Variants in TOR1B observed in about 807,000 individuals in gnomAD.
The protein encoded by TOR1B is torsin family 1 member B, also known as torsin-1B.
A neutral mutation model predicts 29.2 loss-of-function variants in TOR1B; 14 were observed. That is an observed-to-expected ratio of 0.48 (90% CI 0.32 to 0.75). The LOEUF is 0.75. Ranked by LOEUF, TOR1B falls within the 30% of genes least tolerant of loss-of-function variation. The pLI, the probability that TOR1B is intolerant of heterozygous loss-of-function variation, is 0.04. For missense variants in TOR1B, 400 were observed against 433.9 expected (o/e 0.92, Z 0.69); for synonymous variants, 166 against 179.8 (o/e 0.92, Z 0.62).
intron 2 of TOR1B, among the ~76,000 whole-genome samples, chr9:129,805,510 T>G (rs1564177093): frequency 6.6e-6 from 1 of 152,140 alleles, no homozygotes; most frequent in Non-Finnish European, 1.5e-5. Flanking sequence ...ACAGGACCTT[T>G]GTAGCAGAAC....
rs770651159 is a variant in TOR1B, at chr9:129,804,200, C to G, written c.327C>G (p.Gly109=). The G allele has an allele frequency of 6.2e-7, 1 of 1,614,094 alleles. No homozygotes were observed. The highest frequency in any genetic ancestry group is 1.3e-5 in the African/African-American group (1 of 74,926). ...PKKPLTLSLH[G]WAGTGKNFVS... ...AACCACTGACCCTTTCCTTACACGG[C>G]TGGGCTGGCACAGGCAAGAATTTTG... The change falls in exon 2 of 5, where the codon GGC becomes GGG. Residue 109 remains glycine (G), a synonymous_variant. Transcript: ENST00000259339.
chr9:129,807,821 G>A (rs187060876), intron 3 of TOR1B, among the ~76,000 whole-genome samples: 1 of 151,060 alleles, frequency 6.6e-6, no homozygotes, highest in African/African-American at 2.4e-5. Flanking sequence ...ACTCCAGCCT[G>A]GGTGACAGAG....
chr9:129,809,737 C>G lies in TOR1B; in HGVS notation c.*154C>G. The G allele has an allele frequency of 7.0e-7, 1 of 1,438,022 alleles. No homozygotes were observed. Among genetic ancestry groups the G allele is most frequent in the Non-Finnish European group, 9.1e-7 (1 of 1,102,052 alleles). 89.1% of individuals were successfully genotyped at this position (1,438,022 alleles called of 1,614,324 possible). ...CTTTTTTTTGAGAAGAGGTCTCACT[C>G]CGTCATCCAAGCTGGAGTGCAGTGG... On this transcript the variant is annotated 3_prime_UTR_variant, in exon 5 of 5. Transcript: ENST00000259339.
chr9:129,803,341 C>T lies in TOR1B; in HGVS notation c.129C>T (p.Tyr43=), dbSNP rs1288121521. Residue 43 remains tyrosine (Y), a synonymous_variant, in exon 1 of 5, where the codon TAC becomes TAT. Coordinates refer to ENST00000259339, the MANE Select transcript of TOR1B (RefSeq NM_014506.3). ...GGGCCGCGTCGGCCATCACCGGCTA[C>T]CTGTCCTACAATGACATCTACTGCC... The part of the protein sequence containing the change: ...AIGAASAITG[Y]LSYNDIYCRF... 1.9e-6 allele frequency: 3 copies of T among 1,591,514 alleles called. No homozygotes were observed. The highest frequency in any genetic ancestry group is 2.8e-5 in the African/African-American group (2 of 72,094).
chr9:129,804,906 A>AG (rs1001883569), intron 2 of TOR1B, among the ~76,000 whole-genome samples: 2 of 144,614 alleles, frequency 1.4e-5, no homozygotes, highest in East Asian at 2.1e-4. Context: ...TCGGAGGCCG[A>AG]GGGGGGCGGA....
intron 4 of TOR1B, 101 bp from the exon 5 acceptor site, chr9:129,809,241 C>G: frequency 6.4e-7 from 1 of 1,571,432 alleles, no homozygotes; most frequent in South Asian, 1.2e-5. Flanking sequence ...ACAAGAGACT[C>G]TCTCAAGGGG....
chr9:129,808,031 G>A (rs1460640344), intron 3 of TOR1B, among the ~76,000 whole-genome samples: 2 of 151,412 alleles, frequency 1.3e-5, no homozygotes, highest in East Asian at 3.9e-4. Context: ...TCAAGACCCC[G>A]ACCCTAAAAA....
chr9:129,810,480 G>T lies in TOR1B; in HGVS notation c.*897G>T. On this transcript the variant is annotated 3_prime_UTR_variant, in exon 5 of 5. Coordinates refer to ENST00000259339, the MANE Select transcript of TOR1B (RefSeq NM_014506.3). ...TCCTTCACCGTCTCAGCTGGTATCA[G>T]CCCCAGCCTGCCTTGTGCCATATCT... The T allele has an allele frequency of 8.8e-7, 1 of 1,130,704 alleles. No homozygotes were observed. The highest frequency in any genetic ancestry group is 1.1e-6 in the Non-Finnish European group (1 of 898,094). The allele number at this position is 1,130,704 out of a possible 1,614,324, so 70.0% of individuals were successfully genotyped here.
intron 2 of TOR1B, among the ~76,000 whole-genome samples, chr9:129,806,120 CAAAA>C (rs34263616): frequency 2.4e-5 from 3 of 122,604 alleles, no homozygotes; most frequent in Admixed American, 8.8e-5. Context: ...GACTCTATCT[CAAAA>C]AAAAAAAAAA....
chr9:129,804,354 A>G lies in TOR1B; in HGVS notation c.465+16A>G, dbSNP rs769213330. ...ACTGTACCAGGCAAGAGAACCCGCT[A>G]TTATCTCGTCTGCAGGCCAGTCGGA... On this transcript the variant is annotated intron_variant, in intron 2 of 4. Transcript: ENST00000259339. 3 of 1,606,284 alleles carry G rather than the reference A, an allele frequency of 1.9e-6. No individual in the cohort carries two copies. The highest frequency in any genetic ancestry group is 2.2e-5 in the South Asian group (2 of 91,002).
At position 129,807,246 on chromosome 9, in the gene TOR1B, T is replaced by C; in HGVS notation, c.524T>C (p.Ile175Thr). ...AGTGCATGTGCGAACTCTGTTTTCATATTTGACGAGATGGATAAATTGCAC... is the reference window on the plus strand; with the variant it reads ...AGTGCATGTGCGAACTCTGTTTTCACATTTGACGAGATGGATAAATTGCAC... Reference protein sequence around the residue: ...NVSACANSVFIFDEMDKLHPG... With the variant: ...NVSACANSVFTFDEMDKLHPG... Residue 175 changes from isoleucine to threonine, a missense_variant, in exon 3 of 5, where the codon ATA becomes ACA. Coordinates refer to ENST00000259339, the MANE Select transcript of TOR1B (RefSeq NM_014506.3). 6.2e-7 allele frequency: 1 copy of C among 1,614,176 alleles called. No individual in the cohort carries two copies. Among genetic ancestry groups the C allele is most frequent in the Non-Finnish European group, 8.5e-7 (1 of 1,180,042 alleles).
intron 3 of TOR1B, among the ~76,000 whole-genome samples, chr9:129,807,779 G>C (rs1194892593): frequency 6.6e-6 from 1 of 151,732 alleles, no homozygotes; most frequent in Non-Finnish European, 1.5e-5. Flanking sequence ...CCGGGAGGCG[G>C]AGCTTGCAGT....
chr9:129,809,287 G>C (rs968851942), intron 4 of TOR1B, 55 bp from the exon 5 acceptor site: 1 of 1,610,294 alleles, frequency 6.2e-7, no homozygotes, highest in African/African-American at 1.3e-5. Flanking sequence ...GTCGGGACTG[G>C]AGCTTGGCCA....
chr9:129,803,231 C>G lies in TOR1B; in HGVS notation c.19C>G (p.Leu7Val), dbSNP rs969019204. MLRAGW[L>V]RGAAALALLL... ...GAGCGGGATGTTGCGGGCTGGGTGG[C>G]TCCGGGGCGCGGCGGCGCTGGCGCT... Residue 7 changes from leucine (L) to valine (V), a missense_variant, in exon 1 of 5, where the codon CTC becomes GTC. Coordinates refer to ENST00000259339, the MANE Select transcript of TOR1B (RefSeq NM_014506.3). 2 of 1,530,974 alleles carry G rather than the reference C, an allele frequency of 1.3e-6. No homozygotes were observed. Among genetic ancestry groups the G allele is most frequent in the Non-Finnish European group, 1.7e-6 (2 of 1,146,554 alleles). The allele number at this position is 1,530,974 out of a possible 1,614,324, so 94.8% of individuals were successfully genotyped here.
In TOR1B at chr9:129,808,902, C is replaced by T. The variant is rs756458453; in HGVS notation, c.642-3C>T. 6.2e-7 allele frequency: 1 copy of T among 1,612,476 alleles called. No individual in the cohort carries two copies. On this transcript the variant is annotated splice_region_variant and splice_polypyrimidine_tract_variant and intron_variant, in intron 3 of 4. Coordinates refer to ENST00000259339, the MANE Select transcript of TOR1B (RefSeq NM_014506.3). Reference sequence around the variant, plus strand: ...TTAATCTTTATTTCTCTGGCAAACTCAGCAATGCAGGCGGGGACCTTATAA... The same window carrying T: ...TTAATCTTTATTTCTCTGGCAAACTTAGCAATGCAGGCGGGGACCTTATAA...
chr9:129,809,841 A>G lies in TOR1B; in HGVS notation c.*258A>G. 1 of 1,348,758 alleles carries G rather than the reference A, an allele frequency of 7.4e-7. No individual in the cohort carries two copies. The highest frequency in any genetic ancestry group is 9.6e-7 in the Non-Finnish European group (1 of 1,046,402). 83.5% of individuals were successfully genotyped at this position (1,348,758 alleles called of 1,614,324 possible). On this transcript the variant is annotated 3_prime_UTR_variant, in exon 5 of 5. Transcript: ENST00000259339. ...CTCAGCCTCCCGAGTAGCTGGGATT[A>G]CAGGCATGAGCCACTGTGCCCAGCT...
At chr9:129,803,726 A>G (rs754348472) in intron 1 of TOR1B, among the ~76,000 whole-genome samples, 6 of 152,340 alleles carry the variant, frequency 3.9e-5, no homozygotes, top group South Asian at 2.1e-4. Flanking sequence ...TGCCAACCCT[A>G]TTAAGTAGTT....
intron 1 of TOR1B, 107 bp downstream of exon 1, chr9:129,803,518 T>A: frequency 2.5e-6 from 3 of 1,183,706 alleles, no homozygotes; most frequent in Non-Finnish European, 2.1e-6. Flanking sequence ...GCCCGTGGCA[T>A]CTAGACGGCG....
chr9:129,807,795 G>A (rs1207407626), intron 3 of TOR1B, among the ~76,000 whole-genome samples: 1 of 151,630 alleles, frequency 6.6e-6, no homozygotes, highest in Admixed American at 6.6e-5. Context: ...GCAGTGAGCC[G>A]GGATCACACC....
Sources: allele counts gnomAD v4.1 joint callset (sites outside exome capture counted in the v4.1 genomes callset), GRCh38; gene constraint gnomAD v4.1.1; transcripts MANE v1.5; gene names NCBI Gene and HGNC (gene_info 2026-07-23, HGNC 2026-07-21).